STK39: variants seen among roughly 807,000 people sequenced by gnomAD.
The protein encoded by STK39 is serine/threonine kinase 39, also known as STE20/SPS1-related proline-alanine-rich protein kinase.
In STK39, 20 loss-of-function variants were observed where a neutral mutation model predicts 77.8. The observed-to-expected ratio is 0.26, with a 90% confidence interval of 0.18 to 0.37. The LOEUF is 0.37. Ranked by LOEUF, STK39 falls within the 10% of genes least tolerant of loss-of-function variation. The pLI, the probability that STK39 is intolerant of heterozygous loss-of-function variation, is 1.00. For missense variants in STK39, 479 were observed against 656.5 expected (o/e 0.73, Z 2.95); for synonymous variants, 246 against 234.1 (o/e 1.05, Z -0.47).
chr2:168,242,509 A>C (rs1690783839), intron 1 of STK39, among the ~76,000 whole-genome samples: 1 of 142,996 alleles, frequency 7.0e-6, no homozygotes, highest in Admixed American at 7.4e-5. Context: ...AGATGGCGCC[A>C]CTGCAATCTA....
chr2:167,956,706 T>A (rs371384713), intron 17 of STK39, among the ~76,000 whole-genome samples: 4,823 of 26,298 alleles, frequency 0.18, 367 homozygotes, highest in African/African-American at 0.27. Flanking sequence ...ACTCTCTCTC[T>A]CTCTCTCTCT....
At position 168,138,174 on chromosome 2, in the gene STK39, C is replaced by A. The variant is rs201082124; in HGVS notation, c.888G>T (p.Gly296=). 1.8e-5 allele frequency: 29 copies of A among 1,613,696 alleles called. 1 individual carries two copies. In the East Asian group the frequency reaches 5.6e-4, roughly 31 times the overall value. The stretch of plus-strand genomic sequence containing the variant: ...TTTTCATCATTTCTTTATCCTCTAC[C>A]CCTGTTTCCAAAGTGGGTGGATCAT... ...LQNDPPTLET[G]VEDKEMMKKY... Residue 296 remains glycine (G), a synonymous_variant, in exon 8 of 18, where the codon GGG becomes GGT. Transcript: ENST00000355999.
intron 1 of STK39, among the ~76,000 whole-genome samples, chr2:168,235,443 A>ATT (rs35628764): frequency 6.8e-6 from 1 of 147,554 alleles, no homozygotes; most frequent in Non-Finnish European, 1.5e-5. Flanking sequence ...CGAGCCTGGG[A>ATT]TTTTTTTTTT....
At chr2:168,024,617 T>A (rs1437526618) in intron 14 of STK39, among the ~76,000 whole-genome samples, 1 of 152,182 alleles carries the variant, frequency 6.6e-6, no homozygotes, top group Non-Finnish European at 1.5e-5. Flanking sequence ...ACCTTAGACT[T>A]CCCAGCCTCC....
At chr2:167,968,394 T>C (rs1461218020) in intron 16 of STK39, among the ~76,000 whole-genome samples, 3 of 152,232 alleles carry the variant, frequency 2.0e-5, no homozygotes, top group Non-Finnish European at 4.4e-5. Flanking sequence ...ATAAGTTATA[T>C]TACTATTTAC....
rs966710043 is a variant in STK39, at chr2:167,955,716, ACT to A, written c.1564-148_1564-147del. On this transcript the variant is annotated intron_variant, in intron 17 of 17. Coordinates refer to ENST00000355999, the MANE Select transcript of STK39 (RefSeq NM_013233.3). ...TTCTTCCAGAAGAGAGACGCCAGCC[ACT>A]CTCTCGAATGACTACTGGAAGCTAA... is the stretch of plus-strand genomic sequence containing the variant. The A allele has an allele frequency of 1.9e-5, 14 of 724,068 alleles. No homozygotes were observed. In the Admixed American group the frequency reaches 2.3e-4, roughly 12 times the overall value. The allele number at this position is 724,068 out of a possible 1,614,324, so 44.9% of individuals were successfully genotyped here. A position where few individuals can be genotyped will look rare whatever the true frequency, so the allele number is the denominator to read the frequency against.
chr2:168,135,447 G>T (rs1175070649), intron 8 of STK39, among the ~76,000 whole-genome samples: 1 of 152,174 alleles, frequency 6.6e-6, no homozygotes, highest in East Asian at 1.9e-4. Context: ...TGTTGATAAA[G>T]TAGAGCTAGG....
intron 16 of STK39, among the ~76,000 whole-genome samples, chr2:168,010,513 CT>C (rs71397628): frequency 0.12 from 18,608 of 152,244 alleles, 1,464 homozygotes; most frequent in Middle Eastern, 0.18. Flanking sequence ...GGCCTTAAAT[CT>C]CACAAGATTG....
intron 15 of STK39, among the ~76,000 whole-genome samples, chr2:168,016,031 G>C (rs994299455): frequency 1.3e-5 from 2 of 152,194 alleles, no homozygotes; most frequent in African/African-American, 4.8e-5. Context: ...AGGTTCAAGT[G>C]ATTCTCTTGC....
intron 10 of STK39, among the ~76,000 whole-genome samples, chr2:168,109,425 G>C (rs563515580): frequency 6.6e-6 from 1 of 152,020 alleles, no homozygotes; most frequent in South Asian, 2.1e-4. Context: ...GTTCATTTTC[G>C]CTGCTGTATG....
chr2:168,234,593 C>T (rs1690549032), intron 1 of STK39, among the ~76,000 whole-genome samples: 1 of 152,136 alleles, frequency 6.6e-6, no homozygotes, highest in Admixed American at 6.5e-5. Context: ...CCTTACTTTA[C>T]AACACACACC....
At chr2:168,093,805 T>G (rs943441961) in intron 10 of STK39, among the ~76,000 whole-genome samples, 1 of 152,184 alleles carries the variant, frequency 6.6e-6, no homozygotes, top group African/African-American at 2.4e-5. Flanking sequence ...TGCATGTCTC[T>G]ACTGAAATTC....
chr2:168,113,794 G>A (rs193030751), intron 10 of STK39, among the ~76,000 whole-genome samples: 336 of 152,320 alleles, frequency 2.2e-3, no homozygotes, highest in Non-Finnish European at 3.6e-3. Context: ...CTCACAGTAA[G>A]TTTCAGAACC....
intron 1 of STK39, among the ~76,000 whole-genome samples, chr2:168,187,462 C>T (rs1318309746): frequency 2.0e-5 from 3 of 152,228 alleles, no homozygotes; most frequent in African/African-American, 7.2e-5. Context: ...TGCCTAACTT[C>T]TTCATGCCTC....
At chr2:168,042,338 G>A (rs912729248) in intron 14 of STK39, among the ~76,000 whole-genome samples, 6 of 151,866 alleles carry the variant, frequency 4.0e-5, no homozygotes, top group African/African-American at 4.8e-5. Flanking sequence ...ATATTTCTAG[G>A]GTATCTCTCT....
At chr2:168,111,185 T>C (rs967851265) in intron 10 of STK39, among the ~76,000 whole-genome samples, 4 of 152,198 alleles carry the variant, frequency 2.6e-5, no homozygotes, top group Admixed American at 2.6e-4. Context: ...GTTGAAGCTA[T>C]AATTTATTTG....
chr2:168,158,666 C>A (rs905083533), intron 5 of STK39, among the ~76,000 whole-genome samples: 1 of 152,168 alleles, frequency 6.6e-6, no homozygotes, highest in Non-Finnish European at 1.5e-5. Flanking sequence ...ATGGCTACAC[C>A]GCTTATTCTA....
intron 1 of STK39, among the ~76,000 whole-genome samples, chr2:168,235,871 T>C (rs1161164109): frequency 1.3e-5 from 2 of 152,292 alleles, no homozygotes; most frequent in Admixed American, 6.5e-5. Flanking sequence ...ACATCTGGGT[T>C]GGTTCCAAGT....
At chr2:168,027,222 G>C (rs1223892098) in intron 14 of STK39, among the ~76,000 whole-genome samples, 2 of 152,048 alleles carry the variant, frequency 1.3e-5, no homozygotes, top group East Asian at 3.9e-4. Flanking sequence ...AGCTCTCCTG[G>C]ATGTGTGTAT....
Sources: allele counts gnomAD v4.1 joint callset (sites outside exome capture counted in the v4.1 genomes callset), GRCh38; gene constraint gnomAD v4.1.1; transcripts MANE v1.5; gene names NCBI Gene and HGNC (gene_info 2026-07-23, HGNC 2026-07-21).